Variants in LIFR observed in about 807,000 individuals in gnomAD.
LIFR encodes LIF receptor subunit alpha, also known as leukemia inhibitory factor receptor.
Under a neutral mutation model 122.2 loss-of-function variants are expected in LIFR, and 84 were observed. That is an observed-to-expected ratio of 0.69 (90% CI 0.58 to 0.82). The LOEUF (loss-of-function observed/expected upper bound fraction) is 0.82, where lower values mean the gene tolerates loss of function less well. LIFR is among the 40% of genes least tolerant of loss of function. The probability of loss-of-function intolerance (pLI) is 0.00; values close to 1 mark genes in which losing one functional copy is unlikely to be tolerated. For missense variants in LIFR, 1,294 were observed against 1,311.6 expected (o/e 0.99, Z 0.21); for synonymous variants, 422 against 434.7 (o/e 0.97, Z 0.36).
chr5:38,555,076 C>T (rs541506615), intron 1 of LIFR: 4 of 152,190 alleles, frequency 2.6e-5, no homozygotes, highest in Non-Finnish European at 5.9e-5. Flanking sequence ...CTTGGGAACA[C>T]ATCATATATT....
rs1032430244 is a variant in LIFR at position 38,480,057 on chromosome 5, CA to C, written c.*1537del. ...TTTTAAAAAGATACAATATGAGCTT[CA>C]AAAAAAATTAATTGATCCATTATTT... On this transcript the variant is annotated 3_prime_UTR_variant, in exon 20 of 20. Coordinates refer to ENST00000453190, the MANE Select transcript of LIFR (RefSeq NM_001127671.2). 22 of 222,034 alleles carry C rather than the reference CA, an allele frequency of 9.9e-5. No individual in the cohort carries two copies. The highest frequency in any genetic ancestry group is 1.4e-4 in the Non-Finnish European group (16 of 111,728). 13.8% of individuals were successfully genotyped at this position (222,034 alleles called of 1,614,324 possible). A position where few individuals can be genotyped will look rare whatever the true frequency, so the allele number is the denominator to read the frequency against.
intron 1 of LIFR, among the ~76,000 whole-genome samples, chr5:38,531,674 C>T (rs1020470546): frequency 1.3e-5 from 2 of 149,188 alleles, no homozygotes; most frequent in Non-Finnish European, 3.0e-5. Context: ...GAACAAAATA[C>T]AAAAAAAAAT....
In LIFR at chr5:38,493,751, T is replaced by A; in HGVS notation, c.1920A>T (p.Gly640=). 1 of 1,614,120 alleles carries A rather than the reference T, an allele frequency of 6.2e-7. No homozygotes were observed. Among genetic ancestry groups the A allele is most frequent in the African/African-American group, 1.3e-5 (1 of 75,024 alleles). ...DLKIEQVVGM[G]KGILLTWHYD... ...AATGCCAGGTGAGGAGAATCCCCTT[T>A]CCCATCCCAACAACTTGTTCTATTT... The change falls in exon 14 of 20, where the codon GGA becomes GGT. Residue 640 remains glycine (G), a synonymous_variant. Coordinates refer to ENST00000453190, the MANE Select transcript of LIFR (RefSeq NM_001127671.2).
At position 38,502,731 on chromosome 5, in the gene LIFR, G is replaced by A; in HGVS notation, c.1506C>T (p.Tyr502=). ...AACGAATCCGAAAAGTATATAGAGT[G>A]TATGGATTTAACTTGTCCAGAGCAA... ...YLVALDKLNP[Y]TLYTFRIRCS... is the part of the protein sequence containing the mutation. The change falls in exon 11 of 20, where the codon TAC becomes TAT. Residue 502 remains tyrosine, a synonymous_variant. Transcript: ENST00000453190. 1 of 1,610,110 alleles carries A rather than the reference G, an allele frequency of 6.2e-7. No homozygotes were observed. Among genetic ancestry groups the A allele is most frequent in the Non-Finnish European group, 8.5e-7 (1 of 1,176,502 alleles).
chr5:38,503,071 C>G (rs763526150), intron 10 of LIFR, among the ~76,000 whole-genome samples: 8 of 151,928 alleles, frequency 5.3e-5, no homozygotes, highest in Non-Finnish European at 1.0e-4. Context: ...AATACTGGCT[C>G]TAAGTAATAA....
In LIFR at chr5:38,548,068, T is replaced by C. The variant is rs1349710928; in HGVS notation, c.-20+8266A>G. Among the ~76,000 whole-genome samples, 4 of 152,090 alleles carry C rather than the reference T, an allele frequency of 2.6e-5. No homozygotes were observed. The East Asian group carries it at 7.7e-4, about 29-fold the overall frequency. On this transcript the variant is annotated intron_variant, in intron 1 of 19. Coordinates refer to ENST00000453190, the MANE Select transcript of LIFR (RefSeq NM_001127671.2). ...TTGCCACTCTCTCTCAGTAAGATCA[T>C]GTGCTAGAATTTCTCAAGTGGGATA...
rs769450023 is a variant in LIFR at position 38,479,017 on chromosome 5, T to C, written c.*2578A>G. On this transcript the variant is annotated 3_prime_UTR_variant, in exon 20 of 20. Coordinates refer to ENST00000453190, the MANE Select transcript of LIFR (RefSeq NM_001127671.2). Reference sequence around the variant, plus strand: ...TGTAAATGCAGGCATGCAACCTTCATTGACAAACAGCGCACATTTACCAGT... The same window carrying C: ...TGTAAATGCAGGCATGCAACCTTCACTGACAAACAGCGCACATTTACCAGT... 8.6e-6 allele frequency: 2 copies of C among 231,518 alleles called. No homozygotes were observed. Among genetic ancestry groups the C allele is most frequent in the Non-Finnish European group, 1.7e-5 (2 of 117,040 alleles). 14.3% of individuals were successfully genotyped at this position (231,518 alleles called of 1,614,324 possible).
At chr5:38,545,269 C>CA (rs879922099) in intron 1 of LIFR, among the ~76,000 whole-genome samples, 8,111 of 114,644 alleles carry the variant, frequency 0.071, 247 homozygotes, top group Middle Eastern at 0.18. Context: ...GACTCCGTCT[C>CA]AAAAAAAAAA....
intron 1 of LIFR, among the ~76,000 whole-genome samples, chr5:38,568,640 C>T (rs1158086178): frequency 6.6e-6 from 1 of 152,176 alleles, no homozygotes; most frequent in Non-Finnish European, 1.5e-5. Context: ...CTGGCTAAGA[C>T]CACCCTCCTA....
chr5:38,493,867 A>G (rs1744733159), intron 13 of LIFR, 82 bp from the exon 14 acceptor site: 1 of 1,107,990 alleles, frequency 9.0e-7, no homozygotes, highest in East Asian at 2.4e-5. Flanking sequence ...CATGAGTTAG[A>G]AAAATCACTT....
intron 16 of LIFR, among the ~76,000 whole-genome samples, chr5:38,487,578 C>T (rs185974419): frequency 1.2e-4 from 18 of 152,104 alleles, no homozygotes; most frequent in African/African-American, 3.4e-4. Flanking sequence ...TACAGTAGTC[C>T]GCCCATTTTC....
At chr5:38,547,773 G>A (rs1490404495) in intron 1 of LIFR, among the ~76,000 whole-genome samples, 2 of 152,106 alleles carry the variant, frequency 1.3e-5, no homozygotes, top group Non-Finnish European at 2.9e-5. Context: ...GAACATCATA[G>A]AGTGTACTTA....
At chr5:38,530,814 T>C (rs901389183) in intron 1 of LIFR, 148 bp from the exon 2 acceptor site, 7 of 756,040 alleles carry the variant, frequency 9.3e-6, no homozygotes, top group South Asian at 1.6e-5. Flanking sequence ...CAAGCTTCCC[T>C]GGCTTGTGGA....
chr5:38,506,890 A>AC (rs1745516830), intron 7 of LIFR, among the ~76,000 whole-genome samples: 1 of 152,206 alleles, frequency 6.6e-6, no homozygotes, highest in Non-Finnish European at 1.5e-5. Context: ...GCAACTTGAA[A>AC]TATCAGTTGT....
chr5:38,553,803 C>T (rs554839609), intron 1 of LIFR, among the ~76,000 whole-genome samples: 1 of 151,030 alleles, frequency 6.6e-6, no homozygotes, highest in Admixed American at 6.6e-5. Context: ...GTATTAGGCT[C>T]AATTTCTAGC....
At chr5:38,579,797 C>T (rs1289438567) in intron 1 of LIFR, among the ~76,000 whole-genome samples, 1 of 152,074 alleles carries the variant, frequency 6.6e-6, no homozygotes, top group African/African-American at 2.4e-5. Context: ...TTGAGCTATT[C>T]GTGTGTTTTT....
chr5:38,491,311 A>C (rs1425824210), intron 14 of LIFR, among the ~76,000 whole-genome samples: 1 of 152,240 alleles, frequency 6.6e-6, no homozygotes, highest in African/African-American at 2.4e-5. Context: ...CAAAACGTCA[A>C]GCATGGAGAC....
chr5:38,590,751 T>C (rs1471996743), intron 1 of LIFR, among the ~76,000 whole-genome samples: 5 of 152,178 alleles, frequency 3.3e-5, no homozygotes, highest in African/African-American at 1.2e-4. Context: ...GATACCATTA[T>C]TATCTCCCCT....
At chr5:38,558,198 G>A (rs1561208939), upstream of LIFR, 1 of 152,086 alleles carries the variant, frequency 6.6e-6, no homozygotes, top group East Asian at 1.9e-4. Flanking sequence ...ATATGTGTGT[G>A]TGTATATGTA....
Sources: gnomAD v4.1 joint callset for allele counts (sites outside exome capture counted in the v4.1 genomes callset) on GRCh38, gnomAD v4.1.1 for gene constraint, MANE v1.5 for transcripts, NCBI Gene and HGNC (gene_info 2026-07-23, HGNC 2026-07-21) for gene names.